The following TANC2 variants were observed in gnomAD, a reference collection of about 807,000 sequenced individuals.
TANC2 encodes tetratricopeptide repeat, ankyrin repeat and coiled-coil containing 2, also known as protein TANC2.
A neutral mutation model predicts 210.5 loss-of-function variants in TANC2; 26 were observed. The observed-to-expected ratio is 0.12, with a 90% CI of 0.09 to 0.17. TANC2 has a LOEUF of 0.17. TANC2 is among the 10% of genes least tolerant of loss of function. The pLI is 1.00. For synonymous variants in TANC2, 931 were observed against 967.1 expected, an observed-to-expected ratio of 0.96 and a Z score of 0.69; for missense variants, 2,129 against 2,608.9, an observed-to-expected ratio of 0.82 and a Z score of 4.01.
Position 63,312,566 on chromosome 17 carries a change from G to A in TANC2, c.1160-1822G>A, listed in dbSNP as rs549154891. On this transcript the variant is annotated intron_variant, in intron 9 of 27. Coordinates refer to ENST00000689528, the Ensembl canonical transcript of TANC2. ...AAAGATGGTAACAGTAGACACTGGG[G>A]ACTGCTAGAAGGGGGAAGAAGATGG... is the stretch of plus-strand genomic sequence containing the variant. 2.0e-5 allele frequency among the ~76,000 whole-genome samples: 3 copies of A among 152,230 alleles called. No individual in the cohort carries two copies. The South Asian group carries it at 6.2e-4, about 32-fold the overall frequency.
intron 2 of TANC2, among the ~76,000 whole-genome samples, chr17:63,065,545 T>G (rs1042454285): frequency 2.0e-5 from 3 of 152,230 alleles, no homozygotes; most frequent in African/African-American, 7.2e-5. Flanking sequence ...GTACAAGAGT[T>G]CCCTTTTCTC....
At chr17:63,311,308 A>G (rs369553301) in intron 9 of TANC2, among the ~76,000 whole-genome samples, 1 of 152,214 alleles carries the variant, frequency 6.6e-6, no homozygotes, top group Non-Finnish European at 1.5e-5. Context: ...AAATGATAAT[A>G]TAGATTTATG....
chr17:63,169,664 A>G (rs527889204), intron 5 of TANC2, among the ~76,000 whole-genome samples: 2 of 152,060 alleles, frequency 1.3e-5, no homozygotes, highest in Admixed American at 6.5e-5. Flanking sequence ...AAATACAAAA[A>G]TTAGTTGGGT....
chr17:63,214,576 G>A (rs2041974212), intron 7 of TANC2, among the ~76,000 whole-genome samples: 1 of 152,214 alleles, frequency 6.6e-6, no homozygotes, highest in Non-Finnish European at 1.5e-5. Flanking sequence ...TTGATATCTG[G>A]TGAGGGCTCA....
intron 5 of TANC2, among the ~76,000 whole-genome samples, chr17:63,187,350 G>T (rs537198489): frequency 2.0e-5 from 3 of 152,256 alleles, no homozygotes; most frequent in Non-Finnish European, 4.4e-5. Context: ...TGCCTACCTT[G>T]TAGGGCAGTT....
chr17:63,087,954 G>A (rs1444586395), intron 3 of TANC2, among the ~76,000 whole-genome samples: 2 of 152,144 alleles, frequency 1.3e-5, no homozygotes, highest in Non-Finnish European at 2.9e-5. Flanking sequence ...TTTTTTACAT[G>A]TTAGATGAAG....
chr17:63,240,484 T>A (rs1405926578), intron 8 of TANC2, among the ~76,000 whole-genome samples: 1 of 152,178 alleles, frequency 6.6e-6, no homozygotes, highest in Non-Finnish European at 1.5e-5. Flanking sequence ...CCTTCTCATT[T>A]GTTTAAAAGC....
chr17:63,367,954 G>A (rs1002867284), intron 14 of TANC2, among the ~76,000 whole-genome samples: 1 of 152,216 alleles, frequency 6.6e-6, no homozygotes, highest in African/African-American at 2.4e-5. Context: ...GACAAGTGAT[G>A]TATGGAAGAT....
chr17:63,422,479 A>G (rs1037178212), exon 28 of TANC2: 4 of 160,424 alleles, frequency 2.5e-5, no homozygotes, highest in Admixed American at 1.2e-4. Flanking sequence ...TGCAGCCACC[A>G]GGTCTGCAGT....
At chr17:63,235,818 T>C (rs2042605921) in intron 7 of TANC2, among the ~76,000 whole-genome samples, 1 of 152,070 alleles carries the variant, frequency 6.6e-6, no homozygotes. Context: ...ATATCTTTTA[T>C]TCTTGTTTTA....
chr17:63,095,818 G>C (rs1293034346), intron 3 of TANC2, among the ~76,000 whole-genome samples: 1 of 152,114 alleles, frequency 6.6e-6, no homozygotes, highest in African/African-American at 2.4e-5. Flanking sequence ...TTTCTCTGTA[G>C]CTACAATAAG....
At chr17:62,989,103 CT>C (rs2032723627) in intron 1 of TANC2, among the ~76,000 whole-genome samples, 2 of 152,156 alleles carry the variant, frequency 1.3e-5, no homozygotes, top group Admixed American at 1.3e-4. Context: ...CTAGCACCTT[CT>C]AGTTTGAATT....
rs183191788 is a variant in TANC2, at chr17:63,187,564, T to C, written c.434-6427T>C. 6.3e-3 allele frequency among the ~76,000 whole-genome samples: 951 copies of C among 152,138 alleles called. 6 individuals carry two copies. The highest frequency in any genetic ancestry group is 0.016 in the South Asian group (75 of 4,824). ...AAATTATGTTTTTTATATATATATA[T>C]ACATATATGTGTGTGTTTGTGTATA... On this transcript the variant is annotated intron_variant, in intron 5 of 27. Coordinates refer to ENST00000689528, the Ensembl canonical transcript of TANC2.
At chr17:63,131,776 T>C (rs1047658114) in intron 4 of TANC2, among the ~76,000 whole-genome samples, 4 of 152,214 alleles carry the variant, frequency 2.6e-5, no homozygotes, top group African/African-American at 7.2e-5. Flanking sequence ...ACCTGCACTT[T>C]GAACAAGTTT....
At chr17:63,133,042 C>T (rs144536834) in intron 4 of TANC2, among the ~76,000 whole-genome samples, 8 of 152,166 alleles carry the variant, frequency 5.3e-5, no homozygotes, top group African/African-American at 9.7e-5. Context: ...GGCGCAATCT[C>T]GGCTCACTGC....
chr17:62,989,045 CCT>C (rs1333935926), intron 1 of TANC2, among the ~76,000 whole-genome samples: 3 of 152,118 alleles, frequency 2.0e-5, no homozygotes, highest in South Asian at 2.1e-4. Context: ...TAAATAATCC[CCT>C]CTCTCTTATA....
At chr17:63,278,031 C>T (rs1434672166) in intron 9 of TANC2, among the ~76,000 whole-genome samples, 1 of 151,964 alleles carries the variant, frequency 6.6e-6, no homozygotes, top group African/African-American at 2.4e-5. Flanking sequence ...ATTAGCCATG[C>T]ACGGTGGTAC....
At chr17:63,076,179 C>A (rs1319563806) in intron 3 of TANC2, among the ~76,000 whole-genome samples, 2 of 152,144 alleles carry the variant, frequency 1.3e-5, no homozygotes, top group African/African-American at 4.8e-5. Flanking sequence ...AACCAGTCAG[C>A]TGGGCAAATG....
chr17:63,197,073 G>A (rs953923435), intron 6 of TANC2, among the ~76,000 whole-genome samples: 25 of 152,028 alleles, frequency 1.6e-4, no homozygotes, highest in African/African-American at 6.0e-4. Flanking sequence ...GCTGTAAAAT[G>A]TCATATAAAT....
Sources: gnomAD v4.1 joint callset for allele counts (sites outside exome capture counted in the v4.1 genomes callset) on GRCh38, gnomAD v4.1.1 for gene constraint, MANE v1.5 for transcripts, NCBI Gene and HGNC (gene_info 2026-07-23, HGNC 2026-07-21) for gene names.